The following NKD1 variants were observed in gnomAD, a reference collection of about 807,000 sequenced individuals.
NKD1 encodes the protein protein naked cuticle homolog 1.
A neutral mutation model predicts 56.0 loss-of-function variants in NKD1; 21 were observed. The observed-to-expected ratio is 0.38, with a 90% CI of 0.27 to 0.54. NKD1 has a LOEUF of 0.54. NKD1 is among the 20% of genes least tolerant of loss of function. The pLI is 0.82. For missense variants in NKD1, 578 were observed against 642.7 expected (o/e 0.90, Z 1.09); for synonymous variants, 263 against 265.7 (o/e 0.99, Z 0.10).
intron 3 of NKD1, chr16:50,608,062 T>C (rs1961753592): frequency 1.9e-6 from 1 of 535,032 alleles, no homozygotes; most frequent in Admixed American, 3.1e-5. Flanking sequence ...GAAGACCCAG[T>C]GGAGCCATAG....
Position 50,603,790 on chromosome 16 carries a change from T to C in NKD1, c.193-4504T>C, listed in dbSNP as rs953760955. ...GGTATCGTGCCTGGATTCTGGGCTC[T>C]GGACTGGTGCTGGCTGCACACCCTG... On this transcript the variant is annotated intron_variant, in intron 3 of 9. Coordinates refer to ENST00000268459, the MANE Select transcript of NKD1 (RefSeq NM_033119.5). Among the ~76,000 whole-genome samples, 3 of 152,236 alleles carry C rather than the reference T, an allele frequency of 2.0e-5. No individual in the cohort carries two copies. The South Asian group carries it at 6.2e-4, about 32-fold the overall frequency.
Position 50,623,605 on chromosome 16 carries a change from G to A in NKD1, c.367-1880G>A, listed in dbSNP as rs1962141222. 6.6e-6 allele frequency among the ~76,000 whole-genome samples: 1 copy of A among 152,128 alleles called. No individual in the cohort carries two copies. Among genetic ancestry groups the A allele is most frequent in the African/African-American group, 2.4e-5 (1 of 41,426 alleles). ...GGGCAGGACTCAACTGAGCTGAGAA[G>A]CCCAGGTGGGGTGTGGGAGAGGCCT... On this transcript the variant is annotated intron_variant, in intron 5 of 9. Coordinates refer to ENST00000268459, the MANE Select transcript of NKD1 (RefSeq NM_033119.5). The surrounding 1 kb of genome is among the most constrained non-coding windows in gnomAD (Gnocchi z 4.1).
rs138425259 is a variant in NKD1, at chr16:50,629,566, G to A, written c.463-620G>A. ...CTGTAAGAGCTTTCTCAGGTACAAG[G>A]AGTTGGCTTGGCCCCTGCAGGGAAG... On this transcript the variant is annotated intron_variant, in intron 6 of 9. Transcript: ENST00000268459. Among the ~76,000 whole-genome samples the A allele has an allele frequency of 5.8e-3, 876 of 152,292 alleles. 2 individuals carry two copies. The highest frequency in any genetic ancestry group is 7.6e-3 in the Non-Finnish European group (516 of 68,034).
intron 4 of NKD1, among the ~76,000 whole-genome samples, chr16:50,610,389 CTGGCACCCTTGGTCCTG>C (rs1961817089): frequency 6.6e-6 from 1 of 152,218 alleles, no homozygotes; most frequent in Non-Finnish European, 1.5e-5. Context: ...CTGTGGTCCT[CTGGCACCCTTGGTCCTG>C]TGGCCCGAGG....
chr16:50,575,028 G>C, intron 3 of NKD1: 1 of 984,712 alleles, frequency 1.0e-6, no homozygotes, highest in Non-Finnish European at 1.2e-6. Flanking sequence ...GAATACAATA[G>C]TAACTTCTGA....
At chr16:50,554,810 C>T (rs1596701844) in intron 3 of NKD1, among the ~76,000 whole-genome samples, 1 of 151,978 alleles carries the variant, frequency 6.6e-6, no homozygotes, top group Non-Finnish European at 1.5e-5. Context: ...TTATAGAGAT[C>T]GGGTCTTGCT....
intron 2 of NKD1, 184 bp downstream of exon 2, chr16:50,548,933 TC>T (rs1391567593): frequency 4.5e-6 from 4 of 894,268 alleles, no homozygotes; most frequent in Non-Finnish European, 5.2e-6. Flanking sequence ...TCCTACCCGC[TC>T]CCCGCGGTCC....
chr16:50,585,032 C>T (rs937487412), intron 3 of NKD1, among the ~76,000 whole-genome samples: 7 of 152,184 alleles, frequency 4.6e-5, no homozygotes, highest in East Asian at 3.8e-4. Context: ...CTCAGGAGTC[C>T]GAGTGCTGCC....
At chr16:50,607,504 T>A (rs1055792712) in intron 3 of NKD1, 2 of 159,716 alleles carry the variant, frequency 1.3e-5, no homozygotes, top group African/African-American at 4.8e-5. Flanking sequence ...AGCATCATCA[T>A]CCCCCAAACC....
At chr16:50,562,893 A>ACTGTGG (rs112973241) in intron 3 of NKD1, among the ~76,000 whole-genome samples, 1,788 of 151,170 alleles carry the variant, frequency 0.012, 32 homozygotes, top group African/African-American at 0.041. Context: ...CATCCCCATA[A>ACTGTGG]CTGTGGCTGC....
In NKD1 at chr16:50,574,752, G is replaced by A. The variant is rs540007416; in HGVS notation, c.192+25197G>A. On this transcript the variant is annotated intron_variant, in intron 3 of 9. Transcript: ENST00000268459. The stretch of plus-strand genomic sequence containing the variant: ...TTCTTTGGCACTTGGTGAGCAAATG[G>A]CTCCCTCTCCCTTTTCTTCTGAGCC... The A allele has an allele frequency of 9.1e-6, 9 of 985,406 alleles. No individual in the cohort carries two copies. The South Asian group carries it at 3.3e-4, about 36-fold the overall frequency. 61.0% of individuals were successfully genotyped at this position (985,406 alleles called of 1,614,324 possible). A position where few individuals can be genotyped will look rare whatever the true frequency, so the allele number is the denominator to read the frequency against.
At chr16:50,606,702 G>A (rs1362079749) in intron 3 of NKD1, 7 of 434,506 alleles carry the variant, frequency 1.6e-5, no homozygotes, top group African/African-American at 8.1e-5. Context: ...GCTGTCACCC[G>A]GCTGCAGTGC....
chr16:50,596,765 G>C (rs1961480674), intron 3 of NKD1, among the ~76,000 whole-genome samples: 1 of 152,256 alleles, frequency 6.6e-6, no homozygotes, highest in Non-Finnish European at 1.5e-5. Context: ...GATTGTGGGA[G>C]AGGGGGCTGC....
chr16:50,596,996 A>G (rs1237734493), intron 3 of NKD1, among the ~76,000 whole-genome samples: 1 of 151,996 alleles, frequency 6.6e-6, no homozygotes, highest in African/African-American at 2.4e-5. Context: ...AATGGGGAGG[A>G]ACAGAAGGGG....
chr16:50,581,661 AGTGTCTGCTATCT>A (rs1961118916), intron 3 of NKD1, among the ~76,000 whole-genome samples: 1 of 152,180 alleles, frequency 6.6e-6, no homozygotes, highest in South Asian at 2.1e-4. Flanking sequence ...CTAAACAGCA[AGTGTCTGCTATCT>A]GTGGTGGATT....
At chr16:50,567,751 G>T (rs1727286541) in intron 3 of NKD1, among the ~76,000 whole-genome samples, 1 of 152,216 alleles carries the variant, frequency 6.6e-6, no homozygotes, top group Non-Finnish European at 1.5e-5. Context: ...GGGGTGGTGG[G>T]TATTGTTCTG....
At chr16:50,599,453 C>T (rs552541639) in intron 3 of NKD1, among the ~76,000 whole-genome samples, 4 of 152,292 alleles carry the variant, frequency 2.6e-5, no homozygotes, top group South Asian at 2.1e-4. Flanking sequence ...ACTGACAACT[C>T]GAGTGAGTCA....
chr16:50,629,375 C>T (rs114923522), intron 6 of NKD1, among the ~76,000 whole-genome samples: 23 of 152,310 alleles, frequency 1.5e-4, no homozygotes, highest in African/African-American at 5.5e-4. Context: ...GGGCTTCAAC[C>T]TGTGGATTTG....
chr16:50,548,873 GC>G, intron 2 of NKD1, 124 bp downstream of exon 2: 1 of 1,137,454 alleles, frequency 8.8e-7, no homozygotes, highest in South Asian at 2.4e-5. Flanking sequence ...CCGGCCACCG[GC>G]CCCCCAAGCC....
Sources: gnomAD v4.1 joint callset for allele counts (sites outside exome capture counted in the v4.1 genomes callset) on GRCh38, gnomAD v4.1.1 for gene constraint, Gnocchi (gnomAD v3.1) non-coding constraint, MANE v1.5 for transcripts, NCBI Gene and HGNC (gene_info 2026-07-23, HGNC 2026-07-21) for gene names.